Variants in SBF2 observed in about 807,000 individuals in gnomAD.
SBF2 encodes myotubularin-related protein 13.
In SBF2, 112 loss-of-function variants were observed where a neutral mutation model predicts 225.2. The ratio of observed to expected loss-of-function variants is 0.50; its 90% CI spans 0.43 to 0.58. The LOEUF is 0.58. Among genes scored for constraint, SBF2 ranks in the 20% least tolerant of loss-of-function variants. The pLI is 0.00. For missense variants in SBF2, 1,996 were observed against 2,206.2 expected (o/e 0.90, Z 1.91); for synonymous variants, 763 against 773.3 (o/e 0.99, Z 0.22).
In SBF2 at chr11:9,808,746, G is replaced by A. The variant is rs1037376214; in HGVS notation, c.4257+155C>T. On this transcript the variant is annotated intron_variant, in intron 31 of 39. Transcript: ENST00000256190. ...CGTAGGGGCTAAGAGCTCATGGTAC[G>A]GAGTTTTCTGATGGATACCAGGTGC... The A allele has an allele frequency of 9.6e-5, 58 of 602,488 alleles. 1 individual carries two copies. The highest frequency in any genetic ancestry group is 3.9e-4 in the South Asian group (20 of 51,164). The allele number at this position is 602,488 out of a possible 1,614,324, so 37.3% of individuals were successfully genotyped here. A position where few individuals can be genotyped will look rare whatever the true frequency, so the allele number is the denominator to read the frequency against.
chr11:9,988,311 C>T (rs1355014057), intron 13 of SBF2, among the ~76,000 whole-genome samples: 4 of 152,050 alleles, frequency 2.6e-5, no homozygotes, highest in Non-Finnish European at 5.9e-5. Context: ...TATAAGAATT[C>T]TAGAACATTG....
chr11:9,844,121 C>A (rs1856370079), intron 24 of SBF2, among the ~76,000 whole-genome samples: 1 of 152,128 alleles, frequency 6.6e-6, no homozygotes, highest in Admixed American at 6.5e-5. Context: ...GCTGAGATAA[C>A]AAACATCATA....
chr11:10,070,115 A>C (rs1357394556), intron 2 of SBF2, among the ~76,000 whole-genome samples: 1 of 151,870 alleles, frequency 6.6e-6, no homozygotes, highest in African/African-American at 2.4e-5. Flanking sequence ...TTGCCTGTTC[A>C]CTCTGATGGT....
At chr11:10,062,235 C>A (rs1380865548) in intron 2 of SBF2, among the ~76,000 whole-genome samples, 4 of 152,106 alleles carry the variant, frequency 2.6e-5, no homozygotes, top group Non-Finnish European at 5.9e-5. Flanking sequence ...ACTATAAATA[C>A]CCTGGAAGAC....
At chr11:9,941,251 G>A (rs2134293523) in intron 16 of SBF2, among the ~76,000 whole-genome samples, 1 of 152,284 alleles carries the variant, frequency 6.6e-6, no homozygotes, top group African/African-American at 2.4e-5. Context: ...TAAGTTTGAG[G>A]CTGCAGTAAG....
intron 1 of SBF2, among the ~76,000 whole-genome samples, chr11:10,257,275 C>CA (rs1364567083): frequency 1.3e-5 from 2 of 152,222 alleles, no homozygotes; most frequent in African/African-American, 4.8e-5. Context: ...TCTTTCCCCA[C>CA]AAAAAAATCT....
chr11:10,004,019 T>C (rs969106496), intron 6 of SBF2, among the ~76,000 whole-genome samples: 1 of 152,178 alleles, frequency 6.6e-6, no homozygotes, highest in Non-Finnish European at 1.5e-5. Context: ...CTATTATTAA[T>C]TGCTATTCCC....
chr11:10,044,208 C>T (rs1283344082), intron 2 of SBF2, among the ~76,000 whole-genome samples: 3 of 151,060 alleles, frequency 2.0e-5, no homozygotes, highest in Non-Finnish European at 4.4e-5. Context: ...AAGGCTGCTT[C>T]TTTGAAAAGC....
chr11:9,906,468 A>C (rs923640164), intron 16 of SBF2, among the ~76,000 whole-genome samples: 5 of 152,254 alleles, frequency 3.3e-5, no homozygotes, highest in African/African-American at 9.6e-5. Context: ...ACTAGTGGGC[A>C]CTATTTATTA....
At chr11:10,078,836 T>C (rs1951241021) in intron 2 of SBF2, among the ~76,000 whole-genome samples, 1 of 152,206 alleles carries the variant, frequency 6.6e-6, no homozygotes, top group Non-Finnish European at 1.5e-5. Context: ...AAGCTCTGTG[T>C]GACCTCTACT....
intron 16 of SBF2, among the ~76,000 whole-genome samples, chr11:9,899,338 TA>T (rs35977537): frequency 1.6e-3 from 218 of 138,236 alleles, no homozygotes; most frequent in African/African-American, 3.6e-3. Context: ...TACAAAAAAT[TA>T]AAAAAAAAAA....
intron 1 of SBF2, among the ~76,000 whole-genome samples, chr11:10,230,187 T>A (rs187509168): frequency 3.2e-4 from 49 of 152,298 alleles, no homozygotes; most frequent in Non-Finnish European, 6.3e-4. Flanking sequence ...ATCCCTTTAT[T>A]TTGAGCCTAT....
intron 16 of SBF2, among the ~76,000 whole-genome samples, chr11:9,898,010 G>A (rs1473475537): frequency 6.6e-6 from 1 of 152,150 alleles, no homozygotes; most frequent in Non-Finnish European, 1.5e-5. Flanking sequence ...GCAGCAGAAG[G>A]CTTAGAGCTG....
At chr11:9,782,182 AT>A (rs370747148) in intron 38 of SBF2, among the ~76,000 whole-genome samples, 2,063 of 49,562 alleles carry the variant, frequency 0.042, 14 homozygotes, top group Non-Finnish European at 0.06. Context: ...GTCTCAAAAA[AT>A]AAAAAAAAAA....
intron 2 of SBF2, among the ~76,000 whole-genome samples, chr11:10,086,481 C>A (rs994190386): frequency 6.6e-6 from 1 of 152,140 alleles, no homozygotes; most frequent in Non-Finnish European, 1.5e-5. Context: ...TGATAACTTG[C>A]AATTGCTTGG....
At chr11:10,113,507 T>G (rs1952979172) in intron 2 of SBF2, among the ~76,000 whole-genome samples, 2 of 152,182 alleles carry the variant, frequency 1.3e-5, no homozygotes, top group Non-Finnish European at 1.5e-5. Flanking sequence ...TTAAAAACAT[T>G]AAGATATTAC....
chr11:9,833,844 C>T (rs1277381727), intron 26 of SBF2, among the ~76,000 whole-genome samples: 1 of 148,372 alleles, frequency 6.7e-6, no homozygotes, highest in Non-Finnish European at 1.5e-5. Flanking sequence ...GATCTCAGCT[C>T]ACCGCAACCT....
At chr11:9,843,723 A>C (rs1856335403) in intron 24 of SBF2, 1 of 152,236 alleles carries the variant, frequency 6.6e-6, no homozygotes, top group African/African-American at 2.4e-5. Flanking sequence ...AACATGTTTG[A>C]GATAACAGCT....
At chr11:10,024,185 T>C (rs530691875) in intron 6 of SBF2, among the ~76,000 whole-genome samples, 6 of 152,226 alleles carry the variant, frequency 3.9e-5, no homozygotes, top group Admixed American at 3.3e-4. Context: ...AGTATTACAT[T>C]GTATGAACAT....
Sources: allele counts gnomAD v4.1 joint callset (sites outside exome capture counted in the v4.1 genomes callset), GRCh38; gene constraint gnomAD v4.1.1; transcripts MANE v1.5; gene names NCBI Gene and HGNC (gene_info 2026-07-23, HGNC 2026-07-21).